The following PLCB1 variants were observed in gnomAD, a reference collection of about 807,000 sequenced individuals.
PLCB1 encodes the protein phospholipase C beta 1, also known as 1-phosphatidylinositol 4,5-bisphosphate phosphodiesterase beta-1.
PLCB1 carries 46 observed loss-of-function variants against 161.8 expected under a neutral mutation model. That is an observed-to-expected ratio of 0.28 (90% CI 0.22 to 0.36). The LOEUF is 0.36. Among genes scored for constraint, PLCB1 ranks in the 10% least tolerant of loss-of-function variants. PLCB1 has a pLI of 1.00. For synonymous variants in PLCB1, 517 were observed against 503.7 expected (o/e 1.03, Z -0.35); for missense variants, 1,016 against 1,472.5 (o/e 0.69, Z 5.07).
intron 4 of PLCB1, among the ~76,000 whole-genome samples, chr20:8,640,752 C>A (rs892304958): frequency 6.6e-6 from 1 of 152,160 alleles, no homozygotes; most frequent in African/African-American, 2.4e-5. Flanking sequence ...TAAGAATACA[C>A]CTGAGACTCC....
chr20:8,650,627 C>T (rs1293728418), intron 7 of PLCB1, among the ~76,000 whole-genome samples: 1 of 152,184 alleles, frequency 6.6e-6, no homozygotes, highest in Non-Finnish European at 1.5e-5. Flanking sequence ...AGCCAAGAAC[C>T]CTCGCAGGCT....
At chr20:8,201,494 A>C (rs1023095698) in intron 2 of PLCB1, among the ~76,000 whole-genome samples, 2 of 152,138 alleles carry the variant, frequency 1.3e-5, no homozygotes, top group Non-Finnish European at 2.9e-5. Flanking sequence ...GCCCAAGAGA[A>C]CTGCTATTGG....
chr20:8,747,532 T>C (rs1422205934), intron 23 of PLCB1, among the ~76,000 whole-genome samples: 1 of 152,212 alleles, frequency 6.6e-6, no homozygotes, highest in Non-Finnish European at 1.5e-5. Context: ...ATACTAAAAG[T>C]TTATTTATTC....
intron 2 of PLCB1, among the ~76,000 whole-genome samples, chr20:8,265,030 CTCGT>C (rs1981886350): frequency 6.6e-6 from 1 of 152,136 alleles, no homozygotes; most frequent in African/African-American, 2.4e-5. Context: ...AAGGAAATTA[CTCGT>C]AAGTCCAGGA....
chr20:8,370,361 T>C (rs1342986740), intron 2 of PLCB1, among the ~76,000 whole-genome samples: 1 of 152,234 alleles, frequency 6.6e-6, no homozygotes, highest in East Asian at 1.9e-4. Flanking sequence ...TTCTGTGGCC[T>C]AGCCAATGGA....
chr20:8,569,946 C>T (rs917198500), intron 3 of PLCB1, among the ~76,000 whole-genome samples: 1 of 152,124 alleles, frequency 6.6e-6, no homozygotes, highest in African/African-American at 2.4e-5. Flanking sequence ...CTTCATGTAA[C>T]TGTGTAACTA....
intron 2 of PLCB1, among the ~76,000 whole-genome samples, chr20:8,151,939 G>A (rs770131126): frequency 2.0e-5 from 3 of 152,062 alleles, no homozygotes; most frequent in Non-Finnish European, 4.4e-5. Flanking sequence ...AAAGAAAAAG[G>A]GTTTAGGACC....
At chr20:8,179,597 G>T (rs2051817329) in intron 2 of PLCB1, among the ~76,000 whole-genome samples, 1 of 152,076 alleles carries the variant, frequency 6.6e-6, no homozygotes. Flanking sequence ...AACTGAGATG[G>T]TTTGACATCT....
In PLCB1 at chr20:8,757,138, C is replaced by A. The variant is rs1981778371; in HGVS notation, c.2616C>A (p.Pro872=). 1 of 1,613,244 alleles carries A rather than the reference C, an allele frequency of 6.2e-7. No individual in the cohort carries two copies. The highest frequency in any genetic ancestry group is 8.5e-7 in the Non-Finnish European group (1 of 1,179,402). ...NGVNHTTTLT[P]KPPSQALHSQ... ...TGAATCACACTACAACCCTGACACCCAAGCCACCCTCCCAGGCTCTCCACA... is the reference window on the plus strand; with the variant it reads ...TGAATCACACTACAACCCTGACACCAAAGCCACCCTCCCAGGCTCTCCACA... The change falls in exon 24 of 32, where the codon CCC becomes CCA. Residue 872 remains proline (P), a synonymous_variant. Coordinates refer to ENST00000338037, the MANE Select transcript of PLCB1 (RefSeq NM_015192.4).
At chr20:8,456,294 A>G (rs958471708) in intron 3 of PLCB1, among the ~76,000 whole-genome samples, 4 of 152,250 alleles carry the variant, frequency 2.6e-5, no homozygotes, top group African/African-American at 9.6e-5. Context: ...TGATATAGGC[A>G]TGAGCAAAAA....
chr20:8,167,322 T>C (rs946396325), intron 2 of PLCB1, among the ~76,000 whole-genome samples: 2 of 152,194 alleles, frequency 1.3e-5, no homozygotes, highest in African/African-American at 2.4e-5. Flanking sequence ...ATTGGAAATA[T>C]AGTAAAAAGT....
At chr20:8,143,223 C>G (rs1600194676) in intron 1 of PLCB1, among the ~76,000 whole-genome samples, 1 of 152,180 alleles carries the variant, frequency 6.6e-6, no homozygotes, top group South Asian at 2.1e-4. Flanking sequence ...GTCACTGTCT[C>G]CCTGTCCTTA....
At chr20:8,229,118 G>A (rs6086372) in intron 2 of PLCB1, among the ~76,000 whole-genome samples, 65,051 of 151,846 alleles carry the variant, frequency 0.43, 15,300 homozygotes, top group East Asian at 0.62. Context: ...GCTTCCGTAT[G>A]TGAATGAGCA....
At chr20:8,872,606 T>A (rs554096718) in intron 31 of PLCB1, among the ~76,000 whole-genome samples, 1 of 152,312 alleles carries the variant, frequency 6.6e-6, no homozygotes, top group South Asian at 2.1e-4. Context: ...CTTTATCAGT[T>A]TCTGAACAGT....
At chr20:8,446,722 G>A (rs1885079870) in intron 3 of PLCB1, among the ~76,000 whole-genome samples, 1 of 152,192 alleles carries the variant, frequency 6.6e-6, no homozygotes, top group Non-Finnish European at 1.5e-5. Context: ...AAAAATCAAG[G>A]TGAGTATTAA....
chr20:8,834,799 ACT>A (rs2146282725), intron 31 of PLCB1, among the ~76,000 whole-genome samples: 1 of 114,604 alleles, frequency 8.7e-6, no homozygotes, highest in African/African-American at 3.5e-5. Context: ...TGGGCGATAG[ACT>A]CTGCCTCAGA....
chr20:8,441,964 G>A (rs969119001), intron 3 of PLCB1, among the ~76,000 whole-genome samples: 8 of 152,190 alleles, frequency 5.3e-5, no homozygotes, highest in Middle Eastern at 3.4e-3. Flanking sequence ...AACATACTTT[G>A]TTCTAGTTCT....
At chr20:8,508,464 A>G (rs1052262499) in intron 3 of PLCB1, among the ~76,000 whole-genome samples, 1 of 152,156 alleles carries the variant, frequency 6.6e-6, no homozygotes, top group Admixed American at 6.5e-5. Context: ...ACTCGAAGTG[A>G]CTCAAGTTCC....
intron 3 of PLCB1, among the ~76,000 whole-genome samples, chr20:8,412,171 A>G (rs1979074982): frequency 1.3e-5 from 2 of 152,362 alleles, no homozygotes; most frequent in South Asian, 4.1e-4. Flanking sequence ...GTAAAGCTGC[A>G]TAACAAAACC....
Sources: gnomAD v4.1 joint callset for allele counts (sites outside exome capture counted in the v4.1 genomes callset) on GRCh38, gnomAD v4.1.1 for gene constraint, MANE v1.5 for transcripts, NCBI Gene and HGNC (gene_info 2026-07-23, HGNC 2026-07-21) for gene names.